Variants in KRT10 observed in about 807,000 individuals in gnomAD.
The protein encoded by KRT10 is keratin, type I cytoskeletal 10.
A neutral mutation model predicts 59.2 loss-of-function variants in KRT10; 40 were observed. The observed-to-expected ratio is 0.68, with a 90% confidence interval of 0.52 to 0.88. KRT10 has a LOEUF of 0.88. Ranked by LOEUF, KRT10 falls within the 40% of genes least tolerant of loss-of-function variation. KRT10 has a pLI of 0.00. For missense variants in KRT10, 719 were observed against 749.1 expected (o/e 0.96, Z 0.47); for synonymous variants, 336 against 310.7 (o/e 1.08, Z -0.86).
At chr17:40,820,473 C>T (rs376693131) in intron 3 of KRT10, 38 bp downstream of exon 3, 428 of 1,614,060 alleles carry the variant, frequency 2.7e-4, no homozygotes, top group Non-Finnish European at 3.5e-4. Context: ...CCATAATGAA[C>T]TCTCTTTTGG....
At chr17:40,821,631 T>G (rs1292191768) in intron 1 of KRT10, among the ~76,000 whole-genome samples, 1 of 152,242 alleles carries the variant, frequency 6.6e-6, no homozygotes, top group Non-Finnish European at 1.5e-5. Flanking sequence ...CATTTTGTTC[T>G]GATTCATATC....
Position 40,820,373 on chromosome 17 carries a change from C to A in KRT10, c.918G>T (p.Met306Ile). Residue 306 changes from methionine to isoleucine, a missense_variant, in exon 4 of 8, where the codon ATG becomes ATT. Around this residue, in one of 4 missense-constraint regions of KRT10, gnomAD observed 221 missense variants for 277.8 expected, o/e 0.80. Coordinates refer to ENST00000269576, the MANE Select transcript of KRT10 (RefSeq NM_000421.5). ...NVSTGDVNVEMNAAPGVDLTQ... is the reference protein window; with the variant it reads ...NVSTGDVNVEINAAPGVDLTQ... The stretch of plus-strand genomic sequence containing the variant: ...TCAGATCAACACCCGGGGCAGCATT[C>A]ATTTCCACATTCACATCACCAGTGG... The A allele has an allele frequency of 6.2e-7, 1 of 1,614,250 alleles. No individual in the cohort carries two copies. The highest frequency in any genetic ancestry group is 8.5e-7 in the Non-Finnish European group (1 of 1,180,038).
rs778720995 is a variant in KRT10 at position 40,820,356 on chromosome 17, A to G, written c.935T>C (p.Val312Ala). Residue 312 changes from valine (V) to alanine (A), a missense_variant, in exon 4 of 8, where the codon GTT (valine) becomes GCT (alanine). Physicochemically the swap from Val to Ala is moderately conservative, Grantham distance 64. Around this residue, in one of 4 missense-constraint regions of KRT10, gnomAD observed 221 missense variants for 277.8 expected, o/e 0.80. Coordinates refer to ENST00000269576, the MANE Select transcript of KRT10 (RefSeq NM_000421.5). ...GTTATTCAGAAGTTGAGTCAGATCAACACCCGGGGCAGCATTCATTTCCAC... is the reference window on the plus strand; with the variant it reads ...GTTATTCAGAAGTTGAGTCAGATCAGCACCCGGGGCAGCATTCATTTCCAC... Reference protein sequence around the residue: ...VNVEMNAAPGVDLTQLLNNMR... With the variant: ...VNVEMNAAPGADLTQLLNNMR... The G allele has an allele frequency of 2.7e-5, 43 of 1,614,110 alleles. No individual in the cohort carries two copies. The highest frequency in any genetic ancestry group is 3.6e-5 in the Non-Finnish European group (43 of 1,180,050).
At chr17:40,818,640 G>A (rs970831007) in intron 7 of KRT10, 147 bp downstream of exon 7, 3 of 1,373,130 alleles carry the variant, frequency 2.2e-6, no homozygotes, top group African/African-American at 2.9e-5. Context: ...TTTCACGGCT[G>A]GTGTTAAGAG....
At position 40,818,799 on chromosome 17, in the gene KRT10, G is replaced by C; in HGVS notation, c.1736C>G (p.Ser579Cys). The C allele has an allele frequency of 6.4e-7, 1 of 1,563,326 alleles. No individual in the cohort carries two copies. The highest frequency in any genetic ancestry group is 8.6e-7 in the Non-Finnish European group (1 of 1,162,868). Residue 579 changes from serine (S) to cysteine (C), a missense_variant, in exon 7 of 8, where the codon TCT (serine) becomes TGT (cysteine). Around this residue, in one of 4 missense-constraint regions of KRT10, gnomAD observed 315 missense variants for 270.6 expected, o/e 1.16. Coordinates refer to ENST00000269576, the MANE Select transcript of KRT10 (RefSeq NM_000421.5). ...SSSGSVGESS[S>C]KGPRY ...AGTTTCTGCTGACCTTGGTCCCTTA[G>C]ATGAAGACTCGCCCACGGACCCGGA...
In KRT10 at chr17:40,818,201, T is replaced by C; in HGVS notation, c.*275A>G. 2 of 444,606 alleles carry C rather than the reference T, an allele frequency of 4.5e-6. No individual in the cohort carries two copies. The highest frequency in any genetic ancestry group is 8.0e-6 in the Non-Finnish European group (2 of 249,344). The allele number at this position is 444,606 out of a possible 1,614,324, so 27.5% of individuals were successfully genotyped here. A position where few individuals can be genotyped will look rare whatever the true frequency, so the allele number is the denominator to read the frequency against. On this transcript the variant is annotated 3_prime_UTR_variant, in exon 8 of 8. Coordinates refer to ENST00000269576, the MANE Select transcript of KRT10 (RefSeq NM_000421.5). ...TTTTTCTTTCCATTAAAGAACACTT[T>C]CTGGTAAAGTGAAAAGAAGAAATAC...
chr17:40,818,590 C>CA, intron 7 of KRT10, 108 bp from the exon 8 acceptor site: 3 of 1,247,922 alleles, frequency 2.4e-6, no homozygotes, highest in Non-Finnish European at 3.5e-6. Flanking sequence ...TTGTTAAGCC[C>CA]AAAAAAATGC....
chr17:40,819,414 C>G (rs1905239636), intron 6 of KRT10, 103 bp downstream of exon 6: 1 of 1,310,248 alleles, frequency 7.6e-7, no homozygotes, highest in East Asian at 2.3e-5. Context: ...CCTCTCTCCT[C>G]CCTTCCTCTC....
Position 40,819,254 on chromosome 17 carries a change from G to A in KRT10, c.1374-93C>T. 4 of 1,574,164 alleles carry A rather than the reference G, an allele frequency of 2.5e-6. 1 individual carries two copies. The South Asian group carries it at 3.5e-5, about 14-fold the overall frequency. ...CGTTAATTTAGAAAATAAGCAAAAC[G>A]TGTTGAAAAAATAAAACCCTGCCAG... is the stretch of plus-strand genomic sequence containing the variant. On this transcript the variant is annotated intron_variant, in intron 6 of 7. Transcript: ENST00000269576.
In KRT10 at chr17:40,819,080, GCCGCCGGAGCTT is replaced by G. The variant is rs1279923826; in HGVS notation, c.1443_1454del (p.Ser482_Gly485del). 2.2e-4 allele frequency: 285 copies of G among 1,281,246 alleles called. No homozygotes were observed. Among genetic ancestry groups the G allele is most frequent in the Non-Finnish European group, 2.8e-4 (267 of 969,334 alleles). The allele number at this position is 1,281,246 out of a possible 1,614,324, so 79.4% of individuals were successfully genotyped here. On this transcript the variant is annotated inframe_deletion, in exon 7 of 8. Coordinates refer to ENST00000269576, the MANE Select transcript of KRT10 (RefSeq NM_000421.5). ...TGCCGCCGTGGCCGCCGCCGTGGCC[GCCGCCGGAGCTT>G]CCGCCGCCGGAGCTTCCGCCGCCGT...
Position 40,822,409 on chromosome 17 carries a change from A to G in KRT10, c.177T>C (p.Arg59=). ...CAAAGCAGCCCCCACCAGAGCTCCC[A>G]CGGCTAAAAGAGCCACCACTGAACC... ...SGGFSGGSFS[R]GSSGGGCFGG... Residue 59 remains arginine, a synonymous_variant, in exon 1 of 8, where the codon CGT becomes CGC. Transcript: ENST00000269576. The G allele has an allele frequency of 3.7e-6, 6 of 1,612,386 alleles. No individual in the cohort carries two copies. The highest frequency in any genetic ancestry group is 5.1e-6 in the Non-Finnish European group (6 of 1,179,180).
Position 40,819,051 on chromosome 17 carries a change from GAACT to G in KRT10, c.1480_1483del (p.Ser494ProfsTer124). ...GCTTCCGCCTCCGTAGCCGCCGCCG[GAACT>G]GCCGCCGTGGCCGCCGCCGTGGCCG... On this transcript the variant is annotated frameshift_variant, in exon 7 of 8. Transcript: ENST00000269576. LOFTEE classifies it high-confidence loss of function. The G allele has an allele frequency of 7.5e-7, 1 of 1,334,708 alleles. No individual in the cohort carries two copies. Among genetic ancestry groups the G allele is most frequent in the Non-Finnish European group, 9.7e-7 (1 of 1,027,292 alleles). The allele number at this position is 1,334,708 out of a possible 1,614,324, so 82.7% of individuals were successfully genotyped here. A position where few individuals can be genotyped will look rare whatever the true frequency, so the allele number is the denominator to read the frequency against.
At position 40,819,032 on chromosome 17, in the gene KRT10, GCCTCCGTAGCCGCC is replaced by G; in HGVS notation, c.1489_1502del (p.Gly497ArgfsTer79). 1.5e-6 allele frequency: 2 copies of G among 1,376,322 alleles called. No individual in the cohort carries two copies. Among genetic ancestry groups the G allele is most frequent in the East Asian group, 6.6e-5 (2 of 30,486 alleles). 85.3% of individuals were successfully genotyped at this position (1,376,322 alleles called of 1,614,324 possible). A position where few individuals can be genotyped will look rare whatever the true frequency, so the allele number is the denominator to read the frequency against. The stretch of plus-strand genomic sequence containing the variant: ...CGGAGCTTCCGCCGCCGGAGCTTCC[GCCTCCGTAGCCGCC>G]GCCGGAACTGCCGCCGTGGCCGCCG... On this transcript the variant is annotated frameshift_variant, in exon 7 of 8. Coordinates refer to ENST00000269576, the MANE Select transcript of KRT10 (RefSeq NM_000421.5). LOFTEE classifies it high-confidence loss of function.
At chr17:40,821,351 T>C (rs529849513) in intron 1 of KRT10, among the ~76,000 whole-genome samples, 1 of 152,372 alleles carries the variant, frequency 6.6e-6, no homozygotes, top group South Asian at 2.1e-4. Flanking sequence ...TTCTGAAAAC[T>C]AACTGGAATT....
In KRT10 at chr17:40,821,025, C is replaced by T. The variant is rs368264277; in HGVS notation, c.710+10G>A. On this transcript the variant is annotated intron_variant, in intron 2 of 7. Coordinates refer to ENST00000269576, the MANE Select transcript of KRT10 (RefSeq NM_000421.5). ...TTGTGATAGTATTATACAACGATCA[C>T]TTAACTTACTTCAGCCTGAAGTCAT... The T allele has an allele frequency of 1.2e-6, 2 of 1,600,974 alleles. No individual in the cohort carries two copies. Among genetic ancestry groups the T allele is most frequent in the Admixed American group, 3.3e-5 (2 of 60,006 alleles).
chr17:40,822,489 A>T lies in KRT10; in HGVS notation c.97T>A (p.Ser33Thr), dbSNP rs141187850. Residue 33 changes from serine to threonine, a missense_variant, in exon 1 of 8, where the codon TCC becomes ACC. Around this residue, in one of 4 missense-constraint regions of KRT10, gnomAD observed 176 missense variants for 175.7 expected, o/e 1.00. Coordinates refer to ENST00000269576, the MANE Select transcript of KRT10 (RefSeq NM_000421.5). ...GGCGGGGGVS[S>T]LRISSSKGSL... is the part of the protein sequence containing the mutation. ...CCTTTGCTGCTAGAAATTCTTAGGG[A>T]TGACACTCCTCCTCCTCCTCCACAT... 6.9e-5 allele frequency: 112 copies of T among 1,613,310 alleles called. No individual in the cohort carries two copies. The highest frequency in any genetic ancestry group is 4.9e-4 in the Middle Eastern group (3 of 6,084).
chr17:40,820,998 C>A (rs190783500), intron 2 of KRT10, 37 bp downstream of exon 2: 405 of 1,476,512 alleles, frequency 2.7e-4, no homozygotes, highest in Admixed American at 6.5e-4. Context: ...CTGATGTATT[C>A]GTTGTGATAG....
Position 40,822,563 on chromosome 17 carries a change from C to G in KRT10, c.23G>C (p.Ser8Thr), listed in dbSNP as rs1402109732. ...ACTGCGGGAGGAAGAGTAGTGCTTG[C>G]TTGAGCTGTATCGAACAGACATGGT... is the stretch of plus-strand genomic sequence containing the variant. MSVRYSS[S>T]KHYSSSRSGG... Residue 8 changes from serine (S) to threonine (T), a missense_variant, in exon 1 of 8, where the codon AGC becomes ACC. Coordinates refer to ENST00000269576, the MANE Select transcript of KRT10 (RefSeq NM_000421.5). The G allele has an allele frequency of 1.2e-6, 2 of 1,603,338 alleles. No individual in the cohort carries two copies. Among genetic ancestry groups the G allele is most frequent in the Non-Finnish European group, 8.5e-7 (1 of 1,179,974 alleles).
At chr17:40,819,381 G>C (rs1252587327) in intron 6 of KRT10, 136 bp downstream of exon 6, 2 of 1,268,596 alleles carry the variant, frequency 1.6e-6, no homozygotes, top group African/African-American at 3.0e-5. Context: ...TTGCGGTTGC[G>C]TACTCCTTTT....
Sources: allele counts gnomAD v4.1 joint callset (sites outside exome capture counted in the v4.1 genomes callset), GRCh38; gene constraint gnomAD v4.1.1; regional missense constraint gnomAD v4.1.1; transcripts MANE v1.5; gene names NCBI Gene and HGNC (gene_info 2026-07-23, HGNC 2026-07-21).